ZXDC: variants seen among roughly 807,000 people sequenced by gnomAD.
ZXDC encodes the protein zinc finger protein ZXDC.
Under a neutral mutation model 63.6 loss-of-function variants are expected in ZXDC, and 58 were observed. The ratio of observed to expected loss-of-function variants is 0.91; its 90% CI spans 0.74 to 1.13. The LOEUF is 1.13. Among genes scored for constraint, ZXDC ranks in the 50% most tolerant of loss-of-function variants. The pLI, the probability that ZXDC is intolerant of heterozygous loss-of-function variation, is 0.00. For missense variants in ZXDC, 1,133 were observed against 1,148.9 expected (o/e 0.99, Z 0.20); for synonymous variants, 561 against 496.1 (o/e 1.13, Z -1.74).
chr3:126,443,939 G>A lies in ZXDC; in HGVS notation c.2213-1993C>T, dbSNP rs188995087. Among the ~76,000 whole-genome samples the A allele has an allele frequency of 4.0e-4, 61 of 152,300 alleles. No homozygotes were observed. The South Asian group carries it at 7.5e-3, about 19-fold the overall frequency. On this transcript the variant is annotated intron_variant, in intron 7 of 9. Coordinates refer to ENST00000389709, the MANE Select transcript of ZXDC (RefSeq NM_025112.5). ...TTTTCAAGAGGAGTGGGACTGACTG[G>A]TGGTTTTCTTCCCCAGTTAGTTCAT...
chr3:126,454,275 T>C, intron 7 of ZXDC: 1 of 984,758 alleles, frequency 1.0e-6, no homozygotes, highest in Non-Finnish European at 1.2e-6. Flanking sequence ...ATACATTCAA[T>C]TATCTGAGAT....
chr3:126,461,704 G>T lies in ZXDC; in HGVS notation c.1958C>A (p.Pro653Gln), dbSNP rs528105219. 5 of 1,613,868 alleles carry T rather than the reference G, an allele frequency of 3.1e-6. No individual in the cohort carries two copies. Among genetic ancestry groups the T allele is most frequent in the Non-Finnish European group, 4.2e-6 (5 of 1,179,966 alleles). The change falls in exon 6 of 10, where the codon CCG becomes CAG. Residue 653 changes from proline (P) to glutamine (Q), a missense_variant. Physicochemically the swap from Pro to Gln is moderately conservative, Grantham distance 76. Transcript: ENST00000389709. Reference protein sequence around the residue: ...SSTPRENASVPELLAPIKVEP... With the variant: ...SSTPRENASVQELLAPIKVEP... ...CACCTTGATTGGAGCCAGCAGTTCC[G>T]GGACACTGGCATTTTCTCGGGGGGT...
At chr3:126,474,116 A>T (rs1935086061) in intron 1 of ZXDC, among the ~76,000 whole-genome samples, 1 of 148,868 alleles carries the variant, frequency 6.7e-6, no homozygotes. Context: ...CCCGGCTGGA[A>T]TGCAGTGGCG....
At chr3:126,466,999 G>A (rs371976966) in intron 4 of ZXDC, among the ~76,000 whole-genome samples, 8 of 152,190 alleles carry the variant, frequency 5.3e-5, no homozygotes, top group Non-Finnish European at 1.2e-4. Context: ...GGAAGGAGAC[G>A]TGGAGCTCTT....
intron 7 of ZXDC, among the ~76,000 whole-genome samples, chr3:126,449,231 C>G (rs969531296): frequency 3.3e-5 from 5 of 152,212 alleles, no homozygotes; most frequent in Non-Finnish European, 5.9e-5. Context: ...AAAGCTTTTA[C>G]CTTTTTTTAT....
Position 126,459,590 on chromosome 3 carries a change from C to T in ZXDC, c.2212+63G>A. On this transcript the variant is annotated intron_variant, in intron 7 of 9. Coordinates refer to ENST00000389709, the MANE Select transcript of ZXDC (RefSeq NM_025112.5). ...GAAACACCTGCTGTGTTTCTTCTGC[C>T]AGTAACAGTGACAGAGAACCCTCAG... 3.1e-6 allele frequency: 5 copies of T among 1,610,342 alleles called. 1 individual carries two copies. The South Asian group carries it at 4.4e-5, about 14-fold the overall frequency.
At chr3:126,460,370 G>A in intron 6 of ZXDC, 2 of 690,564 alleles carry the variant, frequency 2.9e-6, no homozygotes, top group Non-Finnish European at 3.6e-6. Flanking sequence ...AAAGCTCGTA[G>A]CATACCTGGG....
chr3:126,466,121 G>A, intron 5 of ZXDC, 34 bp downstream of exon 5: 3 of 1,589,522 alleles, frequency 1.9e-6, no homozygotes, highest in Non-Finnish European at 2.6e-6. Context: ...TCACAGGGAA[G>A]CAGCTCCCCA....
intron 5 of ZXDC, among the ~76,000 whole-genome samples, chr3:126,464,504 C>T (rs934784002): frequency 7.2e-5 from 11 of 152,202 alleles, no homozygotes; most frequent in Admixed American, 6.5e-5. Context: ...TCTTCTACCC[C>T]TGACAGCTGG....
intron 7 of ZXDC, among the ~76,000 whole-genome samples, chr3:126,455,844 A>C (rs1934285275): frequency 6.7e-6 from 1 of 148,972 alleles, no homozygotes; most frequent in Non-Finnish European, 1.5e-5. Context: ...TAAAAATACA[A>C]AAAAAAAAAA....
chr3:126,439,881 T>C (rs1444708072), intron 8 of ZXDC, 154 bp from the exon 9 acceptor site: 1 of 1,435,542 alleles, frequency 7.0e-7, no homozygotes, highest in Non-Finnish European at 9.1e-7. Flanking sequence ...GCAGGAATTG[T>C]TTATGGGGGC....
chr3:126,446,107 C>T (rs1358663292), intron 7 of ZXDC, among the ~76,000 whole-genome samples: 1 of 152,318 alleles, frequency 6.6e-6, no homozygotes, highest in East Asian at 1.9e-4. Context: ...TGGACAACCA[C>T]AAACCCTTAT....
Position 126,470,853 on chromosome 3 carries a change from T to C in ZXDC, c.1270+42A>G, listed in dbSNP as rs752330408. 8.3e-5 allele frequency: 133 copies of C among 1,605,608 alleles called. 2 individuals are homozygous for C. Among genetic ancestry groups the C allele is most frequent in the South Asian group, 5.1e-4 (46 of 90,820 alleles). ...AAACTTAACAGGATAAATGTTGGCA[T>C]TGCACTTAGTTTACTGCTCAAAGCA... On this transcript the variant is annotated intron_variant, in intron 4 of 9. Transcript: ENST00000389709.
At chr3:126,455,671 T>C (rs555518388) in intron 7 of ZXDC, among the ~76,000 whole-genome samples, 1 of 152,246 alleles carries the variant, frequency 6.6e-6, no homozygotes, top group Non-Finnish European at 1.5e-5. Flanking sequence ...ATAATATTGA[T>C]CATAATCCAA....
intron 7 of ZXDC, among the ~76,000 whole-genome samples, chr3:126,446,730 C>T (rs2107632378): frequency 6.6e-6 from 1 of 152,000 alleles, no homozygotes; most frequent in South Asian, 2.1e-4. Context: ...CAACACAGCT[C>T]TTATAAAGAT....
chr3:126,440,912 C>A, intron 8 of ZXDC: 2 of 985,716 alleles, frequency 2.0e-6, no homozygotes, highest in South Asian at 9.4e-5. Flanking sequence ...CACAAACGTG[C>A]CTGTTTCCCA....
intron 7 of ZXDC, 171 bp from the exon 8 acceptor site, chr3:126,442,117 AAAC>A (rs1933706462): frequency 1.5e-6 from 1 of 661,618 alleles, no homozygotes; most frequent in Admixed American, 4.2e-5. Flanking sequence ...AGGTTGAAAC[AAAC>A]AACCATACGA....
chr3:126,441,024 C>G (rs1014018504), intron 8 of ZXDC: 1 of 985,456 alleles, frequency 1.0e-6, no homozygotes, highest in African/African-American at 1.7e-5. Flanking sequence ...AAGAGGGGCA[C>G]ACACCTGGGC....
chr3:126,449,766 C>T (rs931195866), intron 7 of ZXDC, among the ~76,000 whole-genome samples: 4 of 152,156 alleles, frequency 2.6e-5, no homozygotes, highest in Non-Finnish European at 5.9e-5. Flanking sequence ...TAGGGACGAC[C>T]GAAAGGGGAC....
Sources: allele counts gnomAD v4.1 joint callset (sites outside exome capture counted in the v4.1 genomes callset), GRCh38; gene constraint gnomAD v4.1.1; transcripts MANE v1.5; gene names NCBI Gene and HGNC (gene_info 2026-07-23, HGNC 2026-07-21).